The following ZNFX1 variants were observed in gnomAD, a reference collection of about 807,000 sequenced individuals.
ZNFX1 encodes the protein zinc finger NFX1-type containing 1.
ZNFX1 carries 78 observed loss-of-function variants against 179.8 expected under a neutral mutation model. That is an observed-to-expected ratio of 0.43 (90% CI 0.36 to 0.52). ZNFX1 has a LOEUF of 0.52. ZNFX1 is among the 20% of genes least tolerant of loss of function. ZNFX1 has a pLI of 0.00. For missense variants in ZNFX1, 1,927 were observed against 2,386.6 expected, an observed-to-expected ratio of 0.81 and a Z score of 4.01; for synonymous variants, 848 against 868.5, an observed-to-expected ratio of 0.98 and a Z score of 0.42.
Position 49,249,445 on chromosome 20 carries a change from G to A in ZNFX1, c.3579C>T (p.Asp1193=). The A allele has an allele frequency of 1.9e-6, 3 of 1,614,248 alleles. No homozygotes were observed. The highest frequency in any genetic ancestry group is 2.5e-6 in the Non-Finnish European group (3 of 1,180,050). Residue 1193 remains aspartate (D), a synonymous_variant, in exon 14 of 14, where the codon GAC becomes GAT. Coordinates refer to ENST00000396105, the MANE Select transcript of ZNFX1 (RefSeq NM_021035.3). The part of the protein sequence containing the change: ...VVDKYQGEEN[D]IILLSLVRSN... ...TCCGCACTAGCGAGAGGAGGATGAT[G>A]TCATTCTCTTCCCCTTGGTATTTGT... is the stretch of plus-strand genomic sequence containing the variant.
At chr20:49,253,314 C>CT (rs950908681) in intron 11 of ZNFX1, among the ~76,000 whole-genome samples, 18 of 152,100 alleles carry the variant, frequency 1.2e-4, no homozygotes, top group African/African-American at 3.9e-4. Context: ...ATCTATCTAC[C>CT]TTTTTTTTAA....
chr20:49,275,997 A>G lies in ZNFX1; in HGVS notation c.-48-110T>C, dbSNP rs145795781. On this transcript the variant is annotated intron_variant, in intron 1 of 13. Coordinates refer to ENST00000396105, the MANE Select transcript of ZNFX1 (RefSeq NM_021035.3). ...TTGTTAACATTTTAATGATTTGTTA[A>G]CTAAGGGTTAAATACAGATTTTAAT... The G allele has an allele frequency of 4.0e-4, 265 of 663,800 alleles. No homozygotes were observed. The African/African-American group carries it at 4.5e-3, about 11-fold the overall frequency. The allele number at this position is 663,800 out of a possible 1,614,324, so 41.1% of individuals were successfully genotyped here. A position where few individuals can be genotyped will look rare whatever the true frequency, so the allele number is the denominator to read the frequency against.
chr20:49,249,808 G>C, intron 13 of ZNFX1, 97 bp from the exon 14 acceptor site: 1 of 1,356,478 alleles, frequency 7.4e-7, no homozygotes, highest in East Asian at 2.3e-5. Flanking sequence ...CTCTGCTCCA[G>C]AGAGAGACCT....
At chr20:49,261,158 CA>C (rs1981101948) in intron 6 of ZNFX1, among the ~76,000 whole-genome samples, 5 of 152,082 alleles carry the variant, frequency 3.3e-5, no homozygotes, top group African/African-American at 1.2e-4. Context: ...TGCTTGAGCC[CA>C]GGAGGCCGAG....
chr20:49,261,590 A>T (rs1190450070), intron 6 of ZNFX1, among the ~76,000 whole-genome samples: 1 of 152,132 alleles, frequency 6.6e-6, no homozygotes, highest in Non-Finnish European at 1.5e-5. Context: ...CAGGAAAAAT[A>T]ACTGATGAGT....
Position 49,270,287 on chromosome 20 carries a change from T to A in ZNFX1, c.1525A>T (p.Thr509Ser), listed in dbSNP as rs755749471. ...PSDSFLMVET[T>S]AYFEAYRHVL... Reference sequence around the variant, plus strand: ...TGCCTGTAGGCCTCAAAGTATGCAGTTGTCTCTACCATGAGGAAAGAGTCA... The same window carrying A: ...TGCCTGTAGGCCTCAAAGTATGCAGATGTCTCTACCATGAGGAAAGAGTCA... The change falls in exon 3 of 14, where the codon ACT becomes TCT. Residue 509 changes from threonine to serine, a missense_variant. Transcript: ENST00000396105. This position sits in a 1 kb window ranked among gnomAD's most constrained non-coding sequence, Gnocchi z 4.6. 2 of 1,614,084 alleles carry A rather than the reference T, an allele frequency of 1.2e-6. No homozygotes were observed. Among genetic ancestry groups the A allele is most frequent in the South Asian group, 1.1e-5 (1 of 91,082 alleles).
chr20:49,277,527 G>A (rs2146747007), intron 1 of ZNFX1, among the ~76,000 whole-genome samples: 1 of 151,752 alleles, frequency 6.6e-6, no homozygotes, highest in South Asian at 2.1e-4. Context: ...AGTGGCAGAA[G>A]GGAGGGCACA....
intron 7 of ZNFX1, 97 bp downstream of exon 7, chr20:49,260,366 C>G: frequency 2.9e-6 from 2 of 696,290 alleles, no homozygotes; most frequent in Non-Finnish European, 2.3e-6. Context: ...ACTCATAGCT[C>G]TTTATTTATT....
chr20:49,257,547 C>T lies in ZNFX1; in HGVS notation c.2534G>A (p.Arg845Lys). Residue 845 changes from arginine to lysine, a missense_variant, in exon 8 of 14, where the codon AGG (arginine) becomes AAG (lysine). By Grantham distance (26) the Arg-to-Lys change is conservative (BLOSUM62 2). Transcript: ENST00000396105. ...DRVIEEEEVV[R>K]PQRRKKEESG... ...CTCTTCCTTCTTCCGCCGCTGGGGC[C>T]TCACCACCTCTTCCTCCTCAATCAC... The T allele has an allele frequency of 3.7e-6, 6 of 1,613,956 alleles. No homozygotes were observed. The highest frequency in any genetic ancestry group is 5.1e-6 in the Non-Finnish European group (6 of 1,180,004).
chr20:49,275,629 T>A, intron 2 of ZNFX1, 150 bp downstream of exon 2: 3 of 755,204 alleles, frequency 4.0e-6, no homozygotes, highest in Non-Finnish European at 6.4e-6. Context: ...AATGCTAGGA[T>A]TATAGGCTTG....
chr20:49,257,702 C>CTTTT, intron 7 of ZNFX1, 38 bp from the exon 8 acceptor site: 19 of 1,380,750 alleles, frequency 1.4e-5, no homozygotes, highest in Admixed American at 5.4e-5. Context: ...GATGAAAACT[C>CTTTT]TTTTTTTTTT....
At position 49,249,790 on chromosome 20, in the gene ZNFX1, G is replaced by A. The variant is rs1008855513; in HGVS notation, c.3313-79C>T. Reference sequence around the variant, plus strand: ...TTTCTTCCTCTCTTGACATGCACTGGCCACTTACTCTGCTCCAGAGAGAGA... The same window carrying A: ...TTTCTTCCTCTCTTGACATGCACTGACCACTTACTCTGCTCCAGAGAGAGA... On this transcript the variant is annotated intron_variant, in intron 13 of 13. Transcript: ENST00000396105. The A allele has an allele frequency of 8.8e-6, 13 of 1,473,112 alleles. No individual in the cohort carries two copies. The Admixed American group carries it at 1.5e-4, about 17-fold the overall frequency. 91.3% of individuals were successfully genotyped at this position (1,473,112 alleles called of 1,614,324 possible).
In ZNFX1 at chr20:49,247,686, CCTT is replaced by C. The variant is rs746462561; in HGVS notation, c.5335_5337del (p.Lys1779del). ...ACCTCTACTGCTATGCTATCTTTCA[CCTT>C]CTTCTCTGCTATCTTGTAGCGGGTC... On this transcript the variant is annotated inframe_deletion, in exon 14 of 14. Coordinates refer to ENST00000396105, the MANE Select transcript of ZNFX1 (RefSeq NM_021035.3). 2.9e-5 allele frequency: 47 copies of C among 1,614,098 alleles called. No homozygotes were observed. Among genetic ancestry groups the C allele is most frequent in the East Asian group, 1.1e-4 (5 of 44,904 alleles).
Position 49,271,606 on chromosome 20 carries a change from C to T in ZNFX1, c.206G>A (p.Arg69Lys). The T allele has an allele frequency of 6.2e-7, 1 of 1,614,120 alleles. No homozygotes were observed. The highest frequency in any genetic ancestry group is 1.1e-5 in the South Asian group (1 of 91,078). Residue 69 changes from arginine (R) to lysine (K), a missense_variant, in exon 3 of 14, where the codon AGA becomes AAA. Arg to Lys is a conservative substitution (Grantham distance 26). Coordinates refer to ENST00000396105, the MANE Select transcript of ZNFX1 (RefSeq NM_021035.3). ...TGGGTTCCTGCCCATGGCCCTAAAT[C>T]TCTCTTCCCTCTGCCAGTAAGCAGC... ...HPAAYWQREE[R>K]FRAMGRNPHQ... is the part of the protein sequence containing the mutation.
Position 49,257,646 on chromosome 20 carries a change from T to C in ZNFX1, c.2435A>G (p.Glu812Gly). The C allele has an allele frequency of 6.2e-7, 1 of 1,612,432 alleles. No homozygotes were observed. Among genetic ancestry groups the C allele is most frequent in the Non-Finnish European group, 8.5e-7 (1 of 1,179,616 alleles). The change falls in exon 8 of 14, where the codon GAG becomes GGG. Residue 812 changes from glutamate to glycine, a missense_variant. Glu to Gly is a moderately conservative substitution (Grantham distance 98, BLOSUM62 -2). Coordinates refer to ENST00000396105, the MANE Select transcript of ZNFX1 (RefSeq NM_021035.3). The stretch of plus-strand genomic sequence containing the variant: ...ACTCTCCTCCTCCCCTTCTTCCTCC[T>C]CATCCCCTTCTGCCTGGGCTAAGAG... The part of the protein sequence containing the change: ...PENTAQAEGD[E>G]EEEGEEESSL...
At chr20:49,267,477 G>GTTTTT (rs10695260) in intron 3 of ZNFX1, among the ~76,000 whole-genome samples, 3 of 140,994 alleles carry the variant, frequency 2.1e-5, no homozygotes, top group South Asian at 2.3e-4. Context: ...GTTACATAAA[G>GTTTTT]TTTTTTTTTT....
intron 3 of ZNFX1, 88 bp from the exon 4 acceptor site, chr20:49,266,354 T>G: frequency 1.6e-6 from 2 of 1,252,110 alleles, no homozygotes; most frequent in Non-Finnish European, 2.2e-6. Flanking sequence ...TTAAATTTAA[T>G]ATAATACATT....
rs1402559210 is a variant in ZNFX1 at position 49,254,508 on chromosome 20, T to G, written c.2946A>C (p.Gly982=). Residue 982 remains glycine (G), a synonymous_variant, in exon 10 of 14, where the codon GGA becomes GGC. Coordinates refer to ENST00000396105, the MANE Select transcript of ZNFX1 (RefSeq NM_021035.3). ...LHILKDAQVV[G]MTTTGAAKYR... ...ACAGTTTCTTACCTGTGGTTGTCAT[T>G]CCTACAACCTGGGCATCTTTAAGAA... 1.2e-6 allele frequency: 2 copies of G among 1,613,960 alleles called. No individual in the cohort carries two copies. Among genetic ancestry groups the G allele is most frequent in the Admixed American group, 3.3e-5 (2 of 59,966 alleles).
chr20:49,275,952 TC>T (rs2146745524), intron 1 of ZNFX1, 65 bp from the exon 2 acceptor site: 2 of 978,372 alleles, frequency 2.0e-6, no homozygotes, highest in South Asian at 1.4e-5. Context: ...CCAAACACCA[TC>T]AAGCCAGTCC....
Sources: gnomAD v4.1 joint callset for allele counts (sites outside exome capture counted in the v4.1 genomes callset) on GRCh38, gnomAD v4.1.1 for gene constraint, Gnocchi (gnomAD v3.1) non-coding constraint, MANE v1.5 for transcripts, NCBI Gene and HGNC (gene_info 2026-07-23, HGNC 2026-07-21) for gene names.